LPP: variants seen among roughly 807,000 people sequenced by gnomAD.
LPP encodes the protein lipoma-preferred partner.
Under a neutral mutation model 60.4 loss-of-function variants are expected in LPP, and 38 were observed. That is an observed-to-expected ratio of 0.63 (90% CI 0.49 to 0.83). The LOEUF is 0.83. Ranked by LOEUF, LPP falls within the 40% of genes least tolerant of loss-of-function variation. The probability of loss-of-function intolerance (pLI) is 0.00; values close to 1 mark genes in which losing one functional copy is unlikely to be tolerated. For synonymous variants in LPP, 328 were observed against 290.8 expected, an observed-to-expected ratio of 1.13 and a Z score of -1.30; for missense variants, 902 against 783.6, an observed-to-expected ratio of 1.15 and a Z score of -1.80.
In LPP at chr3:188,877,109, A is replaced by G. The variant is rs1769340585; in HGVS notation, c.*2630A>G. On this transcript the variant is annotated 3_prime_UTR_variant, in exon 12 of 12. Coordinates refer to ENST00000617246, the MANE Select transcript of LPP (RefSeq NM_001375462.1). ...GGTATAATAAGGAAAGGATCCTACA[A>G]TATTTTATTCTAGGGTTTCTTAAAT... The G allele has an allele frequency of 1.2e-5, 2 of 173,848 alleles. No individual in the cohort carries two copies. Among genetic ancestry groups the G allele is most frequent in the Admixed American group, 1.3e-4 (2 of 15,740 alleles). 10.8% of individuals were successfully genotyped at this position (173,848 alleles called of 1,614,324 possible). A position where few individuals can be genotyped will look rare whatever the true frequency, so the allele number is the denominator to read the frequency against.
At chr3:188,834,324 G>GTTTTTTTTTTTTTTTTTTTT (rs71867135) in intron 9 of LPP, among the ~76,000 whole-genome samples, 27 of 34,082 alleles carry the variant, frequency 7.9e-4, no homozygotes, top group African/African-American at 9.5e-4. Flanking sequence ...CTTTTTGGGT[G>GTTTTTTTTTTTTTTTTTTTT]TTTTTTTTTT....
At chr3:188,179,138 G>T (rs184761776) in intron 1 of LPP, 68 of 400,638 alleles carry the variant, frequency 1.7e-4, no homozygotes, top group Non-Finnish European at 2.8e-4. Flanking sequence ...ATTGATATGG[G>T]GTCTACATAT....
chr3:188,754,133 T>A (rs1729344029), intron 8 of LPP, among the ~76,000 whole-genome samples: 1 of 152,218 alleles, frequency 6.6e-6, no homozygotes, highest in Admixed American at 6.5e-5. Context: ...GTGGATTCTA[T>A]ATTGTCTAAG....
rs2152084875 is a variant in LPP at position 188,881,925 on chromosome 3, A to T, written c.*7446A>T. 4.6e-6 allele frequency: 1 copy of T among 217,688 alleles called. No homozygotes were observed. The highest frequency in any genetic ancestry group is 6.8e-5 in the East Asian group (1 of 14,606). 13.5% of individuals were successfully genotyped at this position (217,688 alleles called of 1,614,324 possible). A position where few individuals can be genotyped will look rare whatever the true frequency, so the allele number is the denominator to read the frequency against. The stretch of plus-strand genomic sequence containing the variant: ...TGTGCTCAAATATTTGTACCTAGAG[A>T]CGTTACATGTTAGAAAAAGTGAGCA... On this transcript the variant is annotated 3_prime_UTR_variant, in exon 12 of 12. Transcript: ENST00000617246.
intron 4 of LPP, among the ~76,000 whole-genome samples, chr3:188,409,807 A>G (rs1190955983): frequency 6.6e-6 from 1 of 152,228 alleles, no homozygotes; most frequent in Admixed American, 6.5e-5. Flanking sequence ...AGTTAGAACT[A>G]ATAGAAATCA....
At chr3:188,650,854 C>G (rs1851939719) in intron 7 of LPP, among the ~76,000 whole-genome samples, 3 of 152,214 alleles carry the variant, frequency 2.0e-5, no homozygotes, top group Middle Eastern at 3.4e-3. Flanking sequence ...CAGTCACGCC[C>G]ATTTGCTTAT....
chr3:188,268,330 C>T (rs1415287630), intron 2 of LPP, among the ~76,000 whole-genome samples: 2 of 152,146 alleles, frequency 1.3e-5, no homozygotes, highest in African/African-American at 2.4e-5. Context: ...AAACAACCCC[C>T]AAAAACCTTA....
intron 9 of LPP, among the ~76,000 whole-genome samples, chr3:188,775,732 A>G (rs183298995): frequency 2.6e-5 from 4 of 152,360 alleles, no homozygotes; most frequent in Non-Finnish European, 4.4e-5. Flanking sequence ...CCTCATGCAC[A>G]GATCGATAAA....
At chr3:188,713,473 A>C (rs141141455) in intron 8 of LPP, among the ~76,000 whole-genome samples, 16 of 152,176 alleles carry the variant, frequency 1.1e-4, no homozygotes, top group African/African-American at 3.9e-4. Context: ...CATCAATGTT[A>C]ATTTCATGAT....
At chr3:188,512,766 C>G (rs1816186471) in intron 5 of LPP, among the ~76,000 whole-genome samples, 1 of 151,978 alleles carries the variant, frequency 6.6e-6, no homozygotes, top group Admixed American at 6.6e-5. Context: ...AAATGATGAG[C>G]TAATGTATAA....
rs369005863 is a variant in LPP, at chr3:188,760,280, A to T, written c.1408A>T (p.Ile470Phe). 6.2e-7 allele frequency: 1 copy of T among 1,613,896 alleles called. No individual in the cohort carries two copies. The highest frequency in any genetic ancestry group is 1.7e-5 in the Admixed American group (1 of 59,984). Reference protein sequence around the residue: ...EKKAYCEPCYINTLEQCNVCS... With the variant: ...EKKAYCEPCYFNTLEQCNVCS... ...GAAAGCATACTGCGAGCCCTGCTACATTGTAAGTTCCAGATTTGTTCCTCA... is the reference window on the plus strand; with the variant it reads ...GAAAGCATACTGCGAGCCCTGCTACTTTGTAAGTTCCAGATTTGTTCCTCA... The change falls in exon 9 of 12, where the codon ATT becomes TTT. Residue 470 changes from isoleucine to phenylalanine, a missense_variant and splice_region_variant. Ile to Phe is a conservative substitution (Grantham distance 21, BLOSUM62 0). Transcript: ENST00000617246.
intron 9 of LPP, among the ~76,000 whole-genome samples, chr3:188,795,092 G>A (rs928720396): frequency 4.6e-5 from 7 of 152,130 alleles, no homozygotes; most frequent in African/African-American, 1.2e-4. Context: ...CTGAGATCAT[G>A]CCACTGTACT....
At chr3:188,672,964 T>C (rs1046308862) in intron 7 of LPP, among the ~76,000 whole-genome samples, 1 of 151,846 alleles carries the variant, frequency 6.6e-6, no homozygotes, top group Non-Finnish European at 1.5e-5. Context: ...TTTATTGTTT[T>C]TTTTTTTTCT....
chr3:188,223,811 T>C (rs1296410392), intron 1 of LPP, among the ~76,000 whole-genome samples: 1 of 152,160 alleles, frequency 6.6e-6, no homozygotes, highest in Non-Finnish European at 1.5e-5. Context: ...TTTTATGAAA[T>C]TGCATTGTTC....
intron 4 of LPP, among the ~76,000 whole-genome samples, chr3:188,442,945 G>A (rs7645471): frequency 0.89 from 135,969 of 152,162 alleles, 62,280 homozygotes; most frequent in East Asian, 0.99. Context: ...TTAAGAGCAC[G>A]TTGAAAGAGT....
At chr3:188,855,609 C>T (rs1763653866) in intron 9 of LPP, among the ~76,000 whole-genome samples, 1 of 152,152 alleles carries the variant, frequency 6.6e-6, no homozygotes, top group Non-Finnish European at 1.5e-5. Context: ...ATTGTTCATT[C>T]ATTTACTTAC....
intron 7 of LPP, among the ~76,000 whole-genome samples, chr3:188,659,855 G>T (rs552251698): frequency 1.4e-5 from 2 of 147,352 alleles, no homozygotes; most frequent in African/African-American, 5.3e-5. Flanking sequence ...TTAAGAATAG[G>T]AAACTATTTT....
At chr3:188,153,165 T>G (rs1372431601), upstream of LPP, 2 of 152,222 alleles carry the variant, frequency 1.3e-5, no homozygotes, top group African/African-American at 4.8e-5. Context: ...GCATCTAACC[T>G]GCTTCAAGGC....
At chr3:188,631,316 A>G (rs73196706) in intron 7 of LPP, among the ~76,000 whole-genome samples, 15 of 152,304 alleles carry the variant, frequency 9.8e-5, no homozygotes, top group African/African-American at 1.4e-4. Flanking sequence ...TTTTATTAGT[A>G]TTGTTGTTTG....
Sources: gnomAD v4.1 joint callset for allele counts (sites outside exome capture counted in the v4.1 genomes callset) on GRCh38, gnomAD v4.1.1 for gene constraint, MANE v1.5 for transcripts, NCBI Gene and HGNC (gene_info 2026-07-23, HGNC 2026-07-21) for gene names.